Variants in TENM1 observed in about 807,000 individuals in gnomAD.
The protein encoded by TENM1 is teneurin-1.
In TENM1, 35 loss-of-function variants were observed where a neutral mutation model predicts 174.8. The observed-to-expected ratio is 0.20, with a 90% CI of 0.15 to 0.27. TENM1 has a LOEUF of 0.27. TENM1 is among the 10% of genes least tolerant of loss of function. TENM1 has a pLI of 1.00. For synonymous variants in TENM1, 781 were observed against 798.7 expected (o/e 0.98, Z 0.37); for missense variants, 1,633 against 2,130.1 (o/e 0.77, Z 4.59).
intron 25 of TENM1, among the ~76,000 whole-genome samples, chrX:124,410,783 G>T (rs2147702980): frequency 8.9e-6 from 1 of 112,216 alleles, no homozygotes; most frequent in South Asian, 3.7e-4. Flanking sequence ...ATCATCACTG[G>T]CCTTTCCTGA....
chrX:124,652,047 G>A, exon 8 of TENM1: 1 of 1,211,530 alleles, frequency 8.3e-7, no homozygotes, highest in Non-Finnish European at 1.1e-6. Context: ...GGTTCCGAGG[G>A]GAGTGCTGTG....
At chrX:124,835,454 T>C (rs187324277) in intron 3 of TENM1, among the ~76,000 whole-genome samples, 204 of 112,244 alleles carry the variant, frequency 1.8e-3, no homozygotes, top group African/African-American at 6.3e-3. Flanking sequence ...ATTTAGATAT[T>C]AGGCAGTAGA....
the TENM1 span, among the ~76,000 whole-genome samples, chrX:125,139,231 G>C: frequency 1.5e-4 from 17 of 111,287 alleles, no homozygotes; most frequent in Admixed American, 2.9e-4. Context: ...GTAAAATTTG[G>C]ACAACAAAAC....
At chrX:124,873,464 A>T (rs1411333514) in intron 3 of TENM1, among the ~76,000 whole-genome samples, 1 of 112,212 alleles carries the variant, frequency 8.9e-6, no homozygotes, top group Non-Finnish European at 1.9e-5. Flanking sequence ...ACTGGATCAC[A>T]ATTAACATTA....
chrX:124,567,641 G>T (rs1437491266), intron 11 of TENM1, among the ~76,000 whole-genome samples: 1 of 111,845 alleles, frequency 8.9e-6, no homozygotes, highest in African/African-American at 3.3e-5. Flanking sequence ...TGTGAGAAAA[G>T]TCTAGGGCAT....
At chrX:124,981,493 T>C in the TENM1 span, among the ~76,000 whole-genome samples, 71 of 112,025 alleles carry the variant, frequency 6.3e-4, no homozygotes, top group Non-Finnish European at 2.8e-4. Context: ...ACATATGGCA[T>C]GCTTGTTGGT....
At chrX:125,185,798 T>C in the TENM1 span, among the ~76,000 whole-genome samples, 2 of 112,127 alleles carry the variant, frequency 1.8e-5, no homozygotes, top group Non-Finnish European at 3.8e-5. Context: ...AAGAGATACA[T>C]GTGGGGTAGG....
chrX:124,473,616 T>C (rs1461020133), intron 22 of TENM1, among the ~76,000 whole-genome samples: 2 of 111,355 alleles, frequency 1.8e-5, no homozygotes, highest in Non-Finnish European at 1.9e-5. Flanking sequence ...TATTCTGCCA[T>C]ATACCTAGCA....
At chrX:124,587,126 T>C (rs2049548419) in intron 11 of TENM1, among the ~76,000 whole-genome samples, 2 of 108,453 alleles carry the variant, frequency 1.8e-5, no homozygotes, top group South Asian at 4.1e-4. Flanking sequence ...AGGTAATTTA[T>C]AGATTCAATG....
At chrX:124,994,941 T>A in the TENM1 span, among the ~76,000 whole-genome samples, 1 of 111,256 alleles carries the variant, frequency 9.0e-6, no homozygotes, top group Non-Finnish European at 1.9e-5. Flanking sequence ...CAAACTCTTT[T>A]AATGTTCGTA....
rs187413279 is a variant in TENM1 at position 124,555,229 on chromosome X, A to G, written c.2434+6442T>C. Among the ~76,000 whole-genome samples, 4 of 111,774 alleles carry G rather than the reference A, an allele frequency of 3.6e-5. No individual in the cohort carries two copies. The East Asian group carries it at 1.1e-3, about 32-fold the overall frequency. On this transcript the variant is annotated intron_variant, in intron 14 of 31. Transcript: ENST00000422452. ...AGACATGCCTTTTACTTTAGAGCCT[A>G]GTACATTTCCACCTCAGGGCATATA...
intron 11 of TENM1, among the ~76,000 whole-genome samples, chrX:124,633,173 G>T (rs1277750330): frequency 8.9e-6 from 1 of 112,173 alleles, no homozygotes; most frequent in Non-Finnish European, 1.9e-5. Context: ...AATAAGAGTT[G>T]AAGGAAGGGG....
chrX:124,754,296 T>C (rs59474629), intron 3 of TENM1, among the ~76,000 whole-genome samples: 19,240 of 111,055 alleles, frequency 0.17, 2,188 homozygotes, highest in African/African-American at 0.41. Flanking sequence ...TAGTATTCTC[T>C]GATGGTAGTT....
intron 5 of TENM1, among the ~76,000 whole-genome samples, chrX:124,702,337 T>C (rs955049868): frequency 2.7e-5 from 3 of 111,592 alleles, no homozygotes; most frequent in South Asian, 3.8e-4. Flanking sequence ...TACTGACTTA[T>C]CCAGTCACAT....
At chrX:124,822,158 T>C (rs1423298194) in intron 3 of TENM1, among the ~76,000 whole-genome samples, 2 of 111,908 alleles carry the variant, frequency 1.8e-5, no homozygotes, top group African/African-American at 6.5e-5. Context: ...CTCCTAACAC[T>C]TTTTCCCCTT....
chrX:124,533,318 C>T (rs945606603), intron 15 of TENM1, among the ~76,000 whole-genome samples: 9 of 111,855 alleles, frequency 8.0e-5, no homozygotes, highest in Non-Finnish European at 1.5e-4. Flanking sequence ...CCTTCCCTCC[C>T]ATTTATATAA....
chrX:124,511,923 T>C (rs1222146395), intron 18 of TENM1, among the ~76,000 whole-genome samples: 2 of 111,723 alleles, frequency 1.8e-5, no homozygotes. Flanking sequence ...GGAAGTCTAG[T>C]TTTCCCAGAA....
chrX:125,028,391 C>T, the TENM1 span, among the ~76,000 whole-genome samples: 2 of 111,910 alleles, frequency 1.8e-5, no homozygotes, highest in Admixed American at 1.9e-4. Flanking sequence ...GTAAAACATA[C>T]ATAGAAATGA....
intron 5 of TENM1, among the ~76,000 whole-genome samples, chrX:124,677,427 C>T (rs1333331500): frequency 4.5e-5 from 5 of 111,275 alleles, no homozygotes; most frequent in Non-Finnish European, 9.5e-5. Context: ...CTCTTCATTG[C>T]TGATAGGAGT....
Sources: gnomAD v4.1 joint callset for allele counts (sites outside exome capture counted in the v4.1 genomes callset) on GRCh38, gnomAD v4.1.1 for gene constraint, MANE v1.5 for transcripts, NCBI Gene and HGNC (gene_info 2026-07-23, HGNC 2026-07-21) for gene names.